The following ELAVL2 variants were observed in gnomAD, a reference collection of about 807,000 sequenced individuals.
The protein encoded by ELAVL2 is ELAV-like protein 2.
In ELAVL2, 4 loss-of-function variants were observed where a neutral mutation model predicts 34.6. That is an observed-to-expected ratio of 0.12 (90% CI 0.06 to 0.26). The LOEUF is 0.26. Among genes scored for constraint, ELAVL2 ranks in the 10% least tolerant of loss-of-function variants. The pLI is 1.00. For synonymous variants in ELAVL2, 193 were observed against 154.8 expected (o/e 1.25, Z -1.83); for missense variants, 432 against 442.8 (o/e 0.98, Z 0.22).
chr9:23,822,420 A>G (rs1043248147), intron 1 of ELAVL2, among the ~76,000 whole-genome samples: 5 of 152,084 alleles, frequency 3.3e-5, no homozygotes, highest in African/African-American at 1.2e-4. Context: ...GCACTCGACT[A>G]TGCAAACGCT....
intron 1 of ELAVL2, among the ~76,000 whole-genome samples, chr9:23,791,426 TG>T (rs1325393940): frequency 6.6e-6 from 1 of 152,224 alleles, no homozygotes; most frequent in East Asian, 1.9e-4. Flanking sequence ...AAAATTAACA[TG>T]TTGAAACCAT....
At chr9:23,794,042 G>A (rs1329205230) in intron 1 of ELAVL2, among the ~76,000 whole-genome samples, 1 of 152,180 alleles carries the variant, frequency 6.6e-6, no homozygotes, top group Non-Finnish European at 1.5e-5. Context: ...CCAGAATGGA[G>A]ACATAAAATT....
intron 1 of ELAVL2, among the ~76,000 whole-genome samples, chr9:23,784,402 G>A (rs1200569530): frequency 6.6e-6 from 1 of 152,152 alleles, no homozygotes; most frequent in Non-Finnish European, 1.5e-5. Context: ...TGCAGATTAA[G>A]TGACATTTAA....
At chr9:23,845,737 A>C in the ELAVL2 span, among the ~76,000 whole-genome samples, 1 of 151,838 alleles carries the variant, frequency 6.6e-6, no homozygotes, top group Non-Finnish European at 1.5e-5. Context: ...TAAGTTATTC[A>C]CTTAACAAGA....
chr9:23,828,435 A>T (rs1246721893), upstream of ELAVL2, among the ~76,000 whole-genome samples: 1 of 152,226 alleles, frequency 6.6e-6, no homozygotes, highest in Non-Finnish European at 1.5e-5. Flanking sequence ...ATATCCACAA[A>T]AAAAGACTTG....
intron 1 of ELAVL2, among the ~76,000 whole-genome samples, chr9:23,790,085 C>T (rs1294511666): frequency 6.6e-6 from 1 of 151,278 alleles, no homozygotes; most frequent in East Asian, 1.9e-4. Context: ...AAAAAACAAC[C>T]TTTCAACAAA....
chr9:23,722,409 G>GAAA (rs2043971584), intron 3 of ELAVL2, among the ~76,000 whole-genome samples: 1 of 152,156 alleles, frequency 6.6e-6, no homozygotes, highest in Non-Finnish European at 1.5e-5. Context: ...TGCTAAGTAT[G>GAAA]ACCTCCAGAT....
intron 1 of ELAVL2, among the ~76,000 whole-genome samples, chr9:23,782,657 G>A (rs1319540599): frequency 1.3e-5 from 2 of 152,174 alleles, no homozygotes; most frequent in African/African-American, 2.4e-5. Context: ...CTGCAACCAT[G>A]AACTAAGATT....
Position 23,703,728 on chromosome 9 carries a change from A to G in ELAVL2, c.487+1190T>C, listed in dbSNP as rs371470064. ...CATTGTAATATACAACATGCCTCCA[A>G]GGTATTATTATTATACGGGTGGCGG... On this transcript the variant is annotated intron_variant, in intron 4 of 6. Coordinates refer to ENST00000397312, the MANE Select transcript of ELAVL2 (RefSeq NM_004432.5). Among the ~76,000 whole-genome samples the G allele has an allele frequency of 1.3e-4, 20 of 152,294 alleles. No individual in the cohort carries two copies. The South Asian group carries it at 3.9e-3, about 30-fold the overall frequency.
At chr9:23,776,546 C>T (rs1346381171) in intron 1 of ELAVL2, among the ~76,000 whole-genome samples, 3 of 152,076 alleles carry the variant, frequency 2.0e-5, no homozygotes, top group African/African-American at 2.4e-5. Flanking sequence ...ATGTACCAAG[C>T]GCTGTGCTCA....
intron 1 of ELAVL2, among the ~76,000 whole-genome samples, chr9:23,807,910 C>G (rs2137941388): frequency 6.6e-6 from 1 of 152,274 alleles, no homozygotes; most frequent in East Asian, 1.9e-4. Flanking sequence ...CACTGCTGGG[C>G]TTTGCATTCA....
At chr9:23,837,165 G>C in the ELAVL2 span, among the ~76,000 whole-genome samples, 1 of 152,102 alleles carries the variant, frequency 6.6e-6, no homozygotes, top group Non-Finnish European at 1.5e-5. Flanking sequence ...TAATGTTTCT[G>C]AGCCAATGAG....
At chr9:23,708,199 G>A (rs576702516) in intron 3 of ELAVL2, among the ~76,000 whole-genome samples, 39 of 152,248 alleles carry the variant, frequency 2.6e-4, no homozygotes, top group African/African-American at 9.1e-4. Context: ...CAGGACAGGA[G>A]TGATTAGATT....
At chr9:23,751,639 A>G (rs2052068786) in intron 2 of ELAVL2, among the ~76,000 whole-genome samples, 1 of 152,164 alleles carries the variant, frequency 6.6e-6, no homozygotes, top group African/African-American at 2.4e-5. Flanking sequence ...ACGGATACTC[A>G]TCTTAAGGAA....
At chr9:23,799,080 CTAAT>C (rs780666206) in intron 1 of ELAVL2, among the ~76,000 whole-genome samples, 5 of 152,118 alleles carry the variant, frequency 3.3e-5, no homozygotes, top group Non-Finnish European at 4.4e-5. Context: ...TCCTAAAGTG[CTAAT>C]TATTACACAA....
chr9:23,708,803 G>A (rs942372580), intron 3 of ELAVL2, among the ~76,000 whole-genome samples: 1 of 151,878 alleles, frequency 6.6e-6, no homozygotes, highest in Non-Finnish European at 1.5e-5. Context: ...CACCACACTG[G>A]CTTTTTTTGT....
chr9:23,800,394 T>C (rs1180297794), intron 1 of ELAVL2, among the ~76,000 whole-genome samples: 2 of 152,186 alleles, frequency 1.3e-5, no homozygotes. Context: ...CAACCCGGGA[T>C]GGTAGTGCCC....
At chr9:23,774,213 C>CAAAA (rs57247631) in intron 1 of ELAVL2, among the ~76,000 whole-genome samples, 186 of 61,200 alleles carry the variant, frequency 3.0e-3, no homozygotes, top group Admixed American at 4.0e-3. Context: ...GACTCCATCT[C>CAAAA]AAAAAAAAAA....
intron 5 of ELAVL2, among the ~76,000 whole-genome samples, chr9:23,699,647 C>T (rs561999409): frequency 2.0e-5 from 3 of 151,940 alleles, no homozygotes; most frequent in South Asian, 4.2e-4. Flanking sequence ...TATATTTATA[C>T]ATATATTATT....
Sources: allele counts gnomAD v4.1 joint callset (sites outside exome capture counted in the v4.1 genomes callset), GRCh38; gene constraint gnomAD v4.1.1; transcripts MANE v1.5; gene names NCBI Gene and HGNC (gene_info 2026-07-23, HGNC 2026-07-21).